Variants in AP2A1 observed in about 807,000 individuals in gnomAD.
AP2A1 encodes the protein AP-2 complex subunit alpha-1.
AP2A1 carries 21 observed loss-of-function variants against 107.3 expected under a neutral mutation model. That is an observed-to-expected ratio of 0.20 (90% CI 0.14 to 0.28). The LOEUF is 0.28. Ranked by LOEUF, AP2A1 falls within the 10% of genes least tolerant of loss-of-function variation. AP2A1 has a pLI of 1.00. For missense variants in AP2A1, 873 were observed against 1,307.7 expected, an observed-to-expected ratio of 0.67 and a Z score of 5.13; for synonymous variants, 602 against 564.8, an observed-to-expected ratio of 1.07 and a Z score of -0.93.
At chr19:49,782,474 G>A (rs1169711003) in intron 3 of AP2A1, 57 bp from the exon 4 acceptor site, 19 of 1,555,512 alleles carry the variant, frequency 1.2e-5, no homozygotes, top group Non-Finnish European at 1.6e-5. Flanking sequence ...CTGAGGGTTG[G>A]ATCTGGGGCC....
At chr19:49,805,836 G>C (rs750553006) in intron 20 of AP2A1, 36 bp from the exon 21 acceptor site, 5 of 1,613,152 alleles carry the variant, frequency 3.1e-6, no homozygotes, top group Non-Finnish European at 4.2e-6. Flanking sequence ...GGGTCGGGCC[G>C]TCCAGGTCCC....
chr19:49,774,812 G>A (rs1180569713), intron 1 of AP2A1, among the ~76,000 whole-genome samples: 2 of 151,954 alleles, frequency 1.3e-5, no homozygotes, highest in African/African-American at 4.8e-5. Context: ...CTAGCCACTC[G>A]GGAGGCTGAG....
chr19:49,769,258 T>TA, intron 1 of AP2A1, among the ~76,000 whole-genome samples: 1 of 151,792 alleles, frequency 6.6e-6, no homozygotes, highest in Non-Finnish European at 1.5e-5. Flanking sequence ...TCTCCAAAAA[T>TA]AAAAAAAAAG....
rs1447484112 is a variant in AP2A1 at position 49,792,032 on chromosome 19, C to T, written c.571C>T (p.Arg191Cys). 3.1e-6 allele frequency: 5 copies of T among 1,612,606 alleles called. No homozygotes were observed. The African/African-American group carries it at 4.0e-5, about 13-fold the overall frequency. ...DLVPMGEWTA[R>C]VVHLLNDQHM... ...GGTGCCCATGGGCGAGTGGACGGCG[C>T]GTGTGGTACACCTGCTCAATGACCA... The change falls in exon 5 of 23, where the codon CGT (arginine) becomes TGT (cysteine). Residue 191 changes from arginine (R) to cysteine (C), a missense_variant. Physicochemically the swap from Arg to Cys is radical, Grantham distance 180. This residue lies in a region of AP2A1 where 157 missense variants were observed against 212.6 expected (regional missense o/e 0.74). Transcript: ENST00000354293.
Position 49,801,717 on chromosome 19 carries a change from G to C in AP2A1, c.1786-5G>C, listed in dbSNP as rs1337366741. On this transcript the variant is annotated splice_region_variant and splice_polypyrimidine_tract_variant and intron_variant, in intron 13 of 22. Transcript: ENST00000354293. Reference sequence around the variant, plus strand: ...AACTGACCTTCCCCACCCCGACCGCGCCAGGCCACGGTGCTGGAGGAGATG... The same window carrying C: ...AACTGACCTTCCCCACCCCGACCGCCCCAGGCCACGGTGCTGGAGGAGATG... 3.7e-6 allele frequency: 5 copies of C among 1,350,824 alleles called. No homozygotes were observed. Among genetic ancestry groups the C allele is most frequent in the Non-Finnish European group, 4.9e-6 (5 of 1,023,616 alleles). The allele number at this position is 1,350,824 out of a possible 1,614,324, so 83.7% of individuals were successfully genotyped here. A position where few individuals can be genotyped will look rare whatever the true frequency, so the allele number is the denominator to read the frequency against.
chr19:49,800,111 T>C lies in AP2A1; in HGVS notation c.1416T>C (p.Arg472=). The change falls in exon 11 of 23, where the codon CGT becomes CGC. Residue 472 remains arginine (R), a synonymous_variant. Coordinates refer to ENST00000354293, the MANE Select transcript of AP2A1 (RefSeq NM_130787.3). ...WYRVLQIVTN[R]DDVQGYAAKT... ...GTGTGCTACAGATCGTCACCAACCG[T>C]GATGACGTCCAGGGCTATGCCGCCA... 1 of 1,613,762 alleles carries C rather than the reference T, an allele frequency of 6.2e-7. No individual in the cohort carries two copies. The highest frequency in any genetic ancestry group is 8.5e-7 in the Non-Finnish European group (1 of 1,179,732).
In AP2A1 at chr19:49,785,295, G is replaced by A. The variant is rs1286536692; in HGVS notation, c.473+2571G>A. ...TGTCACCAGGTCCAGGTCAGAGCTC[G>A]CGGTGGCTTGGACCAGGGCTGTGGC... On this transcript the variant is annotated intron_variant, in intron 4 of 22. Coordinates refer to ENST00000354293, the MANE Select transcript of AP2A1 (RefSeq NM_130787.3). The surrounding 1 kb of genome is among the most constrained non-coding windows in gnomAD (Gnocchi z 4.1). Among the ~76,000 whole-genome samples, 1 of 152,172 alleles carries A rather than the reference G, an allele frequency of 6.6e-6. No individual in the cohort carries two copies. Among genetic ancestry groups the A allele is most frequent in the Non-Finnish European group, 1.5e-5 (1 of 68,022 alleles).
At chr19:49,795,869 C>G in intron 7 of AP2A1, 131 bp downstream of exon 7, 1 of 741,502 alleles carries the variant, frequency 1.3e-6, no homozygotes, top group Non-Finnish European at 2.3e-6. Context: ...GGCGGTTCCT[C>G]TGTCCCCTTA....
chr19:49,799,425 C>T lies in AP2A1; in HGVS notation c.1064C>T (p.Thr355Met), dbSNP rs761434079. Reference protein sequence around the residue: ...LRYLALESMCTLASSEFSHEA... With the variant: ...LRYLALESMCMLASSEFSHEA... Reference sequence around the variant, plus strand: ...TACCTGGCCCTGGAGAGCATGTGCACGCTGGCCAGCTCCGAGTTCTCCCAT... The same window carrying T: ...TACCTGGCCCTGGAGAGCATGTGCATGCTGGCCAGCTCCGAGTTCTCCCAT... Residue 355 changes from threonine to methionine, a missense_variant, in exon 9 of 23, where the codon ACG becomes ATG. Transcript: ENST00000354293. 23 of 1,611,732 alleles carry T rather than the reference C, an allele frequency of 1.4e-5. No homozygotes were observed. Among genetic ancestry groups the T allele is most frequent in the Admixed American group, 3.3e-5 (2 of 59,710 alleles).
Position 49,805,744 on chromosome 19 carries a change from A to G in AP2A1, c.2552A>G (p.Gln851Arg). The change falls in exon 20 of 23, where the codon CAG becomes CGG. Residue 851 changes from glutamine to arginine, a missense_variant. By Grantham distance (43) the Gln-to-Arg change is conservative. Transcript: ENST00000354293. ...TTCCAGCCCACCGAGATGGCGGCCCAGGATTTCTTCCAGCGCTGGAAGCAG... is the reference window on the plus strand; with the variant it reads ...TTCCAGCCCACCGAGATGGCGGCCCGGGATTTCTTCCAGCGCTGGAAGCAG... Reference protein sequence around the residue: ...KFFQPTEMAAQDFFQRWKQLS... With the variant: ...KFFQPTEMAARDFFQRWKQLS... 3 of 1,455,422 alleles carry G rather than the reference A, an allele frequency of 2.1e-6. No homozygotes were observed. The highest frequency in any genetic ancestry group is 1.9e-4 in the Middle Eastern group (1 of 5,320). 90.2% of individuals were successfully genotyped at this position (1,455,422 alleles called of 1,614,324 possible).
intron 4 of AP2A1, among the ~76,000 whole-genome samples, chr19:49,786,404 G>A (rs866776694): frequency 3.3e-5 from 5 of 152,232 alleles, no homozygotes; most frequent in Middle Eastern, 3.2e-3. Flanking sequence ...GGAATGCGGC[G>A]TTGCGGGTGT....
chr19:49,779,584 T>G (rs1229633515), intron 1 of AP2A1, among the ~76,000 whole-genome samples: 1 of 151,940 alleles, frequency 6.6e-6, no homozygotes, highest in African/African-American at 2.4e-5. Flanking sequence ...TTTCAGCATG[T>G]GATCAATACT....
intron 2 of AP2A1, 30 bp from the exon 3 acceptor site, chr19:49,781,917 G>A (rs1340635691): frequency 6.2e-7 from 1 of 1,609,950 alleles, no homozygotes; most frequent in East Asian, 2.2e-5. Context: ...CCTTATTTCT[G>A]GCTCCCCTTT....
chr19:49,779,765 T>C (rs1437541546), intron 1 of AP2A1, among the ~76,000 whole-genome samples: 1 of 152,240 alleles, frequency 6.6e-6, no homozygotes, highest in Non-Finnish European at 1.5e-5. Flanking sequence ...CACACTGTCT[T>C]CTAAATCCCG....
chr19:49,779,508 A>AC (rs2084652403), intron 1 of AP2A1, among the ~76,000 whole-genome samples: 3 of 151,366 alleles, frequency 2.0e-5, no homozygotes, highest in Admixed American at 1.3e-4. Flanking sequence ...AAAAAAAAAA[A>AC]AAACAGAAAC....
At chr19:49,776,621 G>A (rs947639607) in intron 1 of AP2A1, among the ~76,000 whole-genome samples, 1 of 143,834 alleles carries the variant, frequency 7.0e-6, no homozygotes, top group Non-Finnish European at 1.6e-5. Flanking sequence ...GTGACAGTGA[G>A]CTCATTCCCC....
chr19:49,795,531 C>A, intron 6 of AP2A1, 99 bp from the exon 7 acceptor site: 1 of 768,126 alleles, frequency 1.3e-6, no homozygotes, highest in Non-Finnish European at 2.2e-6. Context: ...ACACTGACAG[C>A]ACTGCCCTTG....
At chr19:49,800,288 T>G in intron 11 of AP2A1, 138 bp downstream of exon 11, 1 of 1,126,172 alleles carries the variant, frequency 8.9e-7, no homozygotes, top group Non-Finnish European at 1.2e-6. Context: ...ATGGGGCCTC[T>G]GCCTCTCTGG....
At chr19:49,789,824 C>T (rs1159567944) in intron 4 of AP2A1, among the ~76,000 whole-genome samples, 1 of 152,176 alleles carries the variant, frequency 6.6e-6, no homozygotes, top group Non-Finnish European at 1.5e-5. Context: ...GTGGCTTACC[C>T]CCATCTGTGC....
Sources: gnomAD v4.1 joint callset for allele counts (sites outside exome capture counted in the v4.1 genomes callset) on GRCh38, gnomAD v4.1.1 for gene constraint, gnomAD v4.1.1 regional missense constraint, Gnocchi (gnomAD v3.1) non-coding constraint, MANE v1.5 for transcripts, NCBI Gene and HGNC (gene_info 2026-07-23, HGNC 2026-07-21) for gene names.